The following KHDRBS2 variants were observed in gnomAD, a reference collection of about 807,000 sequenced individuals.
The protein encoded by KHDRBS2 is KH domain-containing, RNA-binding, signal transduction-associated protein 2.
A neutral mutation model predicts 44.3 loss-of-function variants in KHDRBS2; 26 were observed. The ratio of observed to expected loss-of-function variants is 0.59; its 90% CI spans 0.43 to 0.81. The LOEUF is 0.81. KHDRBS2 is among the 40% of genes least tolerant of loss of function. The pLI is 0.00. For synonymous variants in KHDRBS2, 194 were observed against 151.1 expected (o/e 1.28, Z -2.08); for missense variants, 476 against 433.1 (o/e 1.10, Z -0.88).
intron 6 of KHDRBS2, among the ~76,000 whole-genome samples, chr6:61,799,712 A>C (rs1216337847): frequency 6.6e-6 from 1 of 152,030 alleles, no homozygotes; most frequent in Non-Finnish European, 1.5e-5. Context: ...GAATGTATTG[A>C]GATAGTGCTT....
chr6:61,673,701 GGAATCCAA>G, the KHDRBS2 span, among the ~76,000 whole-genome samples: 1 of 138,524 alleles, frequency 7.2e-6, no homozygotes, highest in African/African-American at 2.7e-5. Context: ...AAAATACCTA[GGAATCCAA>G]CTTACAAGGG....
chr6:61,797,459 T>C (rs1240857866), intron 6 of KHDRBS2, among the ~76,000 whole-genome samples: 1 of 152,288 alleles, frequency 6.6e-6, no homozygotes, highest in East Asian at 1.9e-4. Context: ...AAATGATAAC[T>C]GATTGTCAAG....
intron 6 of KHDRBS2, among the ~76,000 whole-genome samples, chr6:61,751,032 G>T (rs1777608028): frequency 6.6e-6 from 1 of 151,994 alleles, no homozygotes; most frequent in Non-Finnish European, 1.5e-5. Flanking sequence ...AACTTTGATT[G>T]ATATATTTTA....
chr6:62,235,075 T>TA (rs1432296264), intron 1 of KHDRBS2, among the ~76,000 whole-genome samples: 1 of 139,386 alleles, frequency 7.2e-6, no homozygotes, highest in Non-Finnish European at 1.5e-5. Context: ...TTAGGCTTTT[T>TA]TTTTTTTTTT....
chr6:62,104,221 C>T (rs1199793998), intron 2 of KHDRBS2, among the ~76,000 whole-genome samples: 1 of 152,194 alleles, frequency 6.6e-6, no homozygotes, highest in Non-Finnish European at 1.5e-5. Context: ...TCAAAAACAG[C>T]ATATACACAT....
rs1287779740 is a variant in KHDRBS2, at chr6:62,199,647, C to T, written c.92-22335G>A. On this transcript the variant is annotated intron_variant, in intron 1 of 8. Transcript: ENST00000281156. ...GTAGGAAGACTCAATATCGTGAAAA[C>T]GGCCATACTGCCCAAGGTAATTTAG... 3.3e-5 allele frequency among the ~76,000 whole-genome samples: 5 copies of T among 152,164 alleles called. No homozygotes were observed. In the East Asian group the frequency reaches 5.8e-4, roughly 18 times the overall value.
intron 4 of KHDRBS2, among the ~76,000 whole-genome samples, chr6:61,925,567 A>G (rs1419462217): frequency 6.6e-6 from 1 of 151,982 alleles, no homozygotes; most frequent in Non-Finnish European, 1.5e-5. Context: ...ATTTTTAAAA[A>G]GCCAGGCATA....
At chr6:62,118,915 G>A (rs1806942023) in intron 2 of KHDRBS2, among the ~76,000 whole-genome samples, 1 of 152,136 alleles carries the variant, frequency 6.6e-6, no homozygotes, top group African/African-American at 2.4e-5. Flanking sequence ...CTGGCTTCCG[G>A]CTTGCAGACA....
intron 4 of KHDRBS2, 41 bp downstream of exon 4, chr6:61,978,025 G>A: frequency 6.6e-7 from 1 of 1,514,862 alleles, no homozygotes; most frequent in Non-Finnish European, 8.9e-7. Context: ...TAAAATAGAA[G>A]CTGATAAGAA....
At chr6:61,872,074 C>G (rs986579053) in intron 6 of KHDRBS2, among the ~76,000 whole-genome samples, 14 of 151,878 alleles carry the variant, frequency 9.2e-5, no homozygotes, top group African/African-American at 3.1e-4. Context: ...TACATATACC[C>G]CAGAACTTAA....
intron 1 of KHDRBS2, among the ~76,000 whole-genome samples, chr6:62,180,514 AC>A (rs1347607852): frequency 1.3e-5 from 2 of 151,860 alleles, no homozygotes; most frequent in African/African-American, 4.8e-5. Flanking sequence ...TACGCTGAAA[AC>A]CAAAAGCATT....
At chr6:61,576,610 A>G in the KHDRBS2 span, among the ~76,000 whole-genome samples, 1 of 152,162 alleles carries the variant, frequency 6.6e-6, no homozygotes, top group Non-Finnish European at 1.5e-5. Context: ...TTTAGGCATA[A>G]TTAACACATT....
the KHDRBS2 span, among the ~76,000 whole-genome samples, chr6:61,580,067 G>A: frequency 6.6e-6 from 1 of 152,096 alleles, no homozygotes; most frequent in Admixed American, 6.6e-5. Flanking sequence ...CAAAGAAAAT[G>A]AGAAAGGCTT....
chr6:61,960,990 G>A (rs1298915884), intron 4 of KHDRBS2, among the ~76,000 whole-genome samples: 1 of 152,080 alleles, frequency 6.6e-6, no homozygotes, highest in South Asian at 2.1e-4. Context: ...TTGAAGTAGT[G>A]TTCAGTTTAT....
the KHDRBS2 span, among the ~76,000 whole-genome samples, chr6:61,564,526 T>C: frequency 6.6e-6 from 1 of 152,076 alleles, no homozygotes; most frequent in Non-Finnish European, 1.5e-5. Flanking sequence ...AGTACCTCCC[T>C]CCTTTATATA....
chr6:61,555,238 G>A, the KHDRBS2 span, among the ~76,000 whole-genome samples: 1 of 151,940 alleles, frequency 6.6e-6, no homozygotes, highest in African/African-American at 2.4e-5. Flanking sequence ...GATCTTCACT[G>A]TGTTATTTCA....
At chr6:62,074,915 C>A (rs1393778734) in intron 2 of KHDRBS2, among the ~76,000 whole-genome samples, 1 of 151,784 alleles carries the variant, frequency 6.6e-6, no homozygotes, top group Non-Finnish European at 1.5e-5. Flanking sequence ...TGTTTAATGT[C>A]CCTACAGTTT....
intron 6 of KHDRBS2, among the ~76,000 whole-genome samples, chr6:61,744,603 G>A (rs1371584219): frequency 6.6e-6 from 1 of 152,112 alleles, no homozygotes; most frequent in Non-Finnish European, 1.5e-5. Flanking sequence ...GTGATTTGCT[G>A]TATTGAGGAG....
At chr6:62,245,963 C>T (rs12203242) in intron 1 of KHDRBS2, among the ~76,000 whole-genome samples, 32,229 of 151,458 alleles carry the variant, frequency 0.21, 4,335 homozygotes, top group Middle Eastern at 0.38. Context: ...GACCTCACAA[C>T]CTCAGGGCTG....
Sources: allele counts gnomAD v4.1 joint callset (sites outside exome capture counted in the v4.1 genomes callset), GRCh38; gene constraint gnomAD v4.1.1; transcripts MANE v1.5; gene names NCBI Gene and HGNC (gene_info 2026-07-23, HGNC 2026-07-21).